The following NMRK1 variants were observed in gnomAD, a reference collection of about 807,000 sequenced individuals.
The protein encoded by NMRK1 is nicotinamide riboside kinase 1.
Under a neutral mutation model 29.9 loss-of-function variants are expected in NMRK1, and 28 were observed. The ratio of observed to expected loss-of-function variants is 0.94; its 90% CI spans 0.69 to 1.28. NMRK1 has a LOEUF of 1.28. NMRK1 is among the 50% of genes most tolerant of loss of function. NMRK1 has a pLI of 0.00. For missense variants in NMRK1, 218 were observed against 233.1 expected (o/e 0.94, Z 0.42); for synonymous variants, 58 against 73.0 (o/e 0.79, Z 1.05).
chr9:75,071,038 TA>T (rs1823668926), intron 4 of NMRK1, among the ~76,000 whole-genome samples: 2 of 152,142 alleles, frequency 1.3e-5, no homozygotes, highest in Non-Finnish European at 2.9e-5. Context: ...CTTGAAGTTT[TA>T]TGTCTTAAAC....
At chr9:75,063,849 G>C (rs544946899) in intron 8 of NMRK1, among the ~76,000 whole-genome samples, 1 of 152,262 alleles carries the variant, frequency 6.6e-6, no homozygotes, top group South Asian at 2.1e-4. Flanking sequence ...AAATAGGAAA[G>C]GTGATAGGTT....
intron 4 of NMRK1, 120 bp downstream of exon 4, chr9:75,077,039 G>T: frequency 1.5e-6 from 1 of 648,278 alleles, no homozygotes. Context: ...CAGATATAGT[G>T]AAGTTCTTTT....
chr9:75,077,941 C>G (rs562898094), intron 2 of NMRK1, among the ~76,000 whole-genome samples: 76 of 152,166 alleles, frequency 5.0e-4, no homozygotes, highest in African/African-American at 1.8e-3. Flanking sequence ...AAATTAAACA[C>G]TTTAAAATAA....
chr9:75,086,316 G>A (rs1824627756), intron 1 of NMRK1, among the ~76,000 whole-genome samples: 1 of 152,138 alleles, frequency 6.6e-6, no homozygotes. Context: ...ATCATGTGAT[G>A]TGTCCAAAGA....
At chr9:75,079,512 C>A (rs1282216007) in intron 2 of NMRK1, among the ~76,000 whole-genome samples, 1 of 152,200 alleles carries the variant, frequency 6.6e-6, no homozygotes, top group Non-Finnish European at 1.5e-5. Context: ...GATCCTTTCT[C>A]ACTGACTTAG....
rs1823380637 is a variant in NMRK1, at chr9:75,066,791, A to G, written c.546T>C (p.Tyr182=). ...KSEEDLFLQV[Y]EDLIQELAKQ... is the part of the protein sequence containing the mutation. ...TTGCTAGTTCTTGTATTAGATCTTC[A>G]TATACTTGCAAAAAGAGGTCCTCTT... is the stretch of plus-strand genomic sequence containing the variant. The change falls in exon 8 of 9, where the codon TAT becomes TAC. Residue 182 remains tyrosine (Y), a synonymous_variant. Coordinates refer to ENST00000361092, the MANE Select transcript of NMRK1 (RefSeq NM_017881.3). The G allele has an allele frequency of 6.2e-7, 1 of 1,609,290 alleles. No homozygotes were observed. The highest frequency in any genetic ancestry group is 1.3e-5 in the African/African-American group (1 of 74,970).
Position 75,069,202 on chromosome 9 carries a change from A to G in NMRK1, c.390-100T>C. ...AATGGGGAAATCACTCAGAGGCTGA[A>G]TCTAAACAGGATTAGGACTACATGT... On this transcript the variant is annotated intron_variant, in intron 6 of 8. Transcript: ENST00000361092. 5.0e-6 allele frequency: 4 copies of G among 807,432 alleles called. No homozygotes were observed. In the East Asian group the frequency reaches 7.5e-5, roughly 15 times the overall value. The allele number at this position is 807,432 out of a possible 1,614,324, so 50.0% of individuals were successfully genotyped here.
chr9:75,077,053 A>T (rs977528958), intron 4 of NMRK1, 106 bp downstream of exon 4: 2 of 684,078 alleles, frequency 2.9e-6, no homozygotes, highest in African/African-American at 1.8e-5. Context: ...TTCTTTTTTT[A>T]AATTTTTGTT....
At chr9:75,079,629 T>C (rs942958653) in intron 2 of NMRK1, among the ~76,000 whole-genome samples, 3 of 149,472 alleles carry the variant, frequency 2.0e-5, no homozygotes, top group Admixed American at 6.6e-5. Flanking sequence ...GAAAAAGTAT[T>C]TAAACAAGCC....
At position 75,066,663 on chromosome 9, in the gene NMRK1, C is replaced by T. The variant is rs114529001; in HGVS notation, c.580+94G>A. The T allele has an allele frequency of 3.6e-3, 2,865 of 797,094 alleles. 48 individuals are homozygous for T. In the African/African-American group the frequency reaches 0.042, roughly 12 times the overall value. The allele number at this position is 797,094 out of a possible 1,614,324, so 49.4% of individuals were successfully genotyped here. ...GAATGGATGAGCACAATCACTCCTA[C>T]ACTAGCATTCTGGTATTCCATTCTT... On this transcript the variant is annotated intron_variant, in intron 8 of 8. Transcript: ENST00000361092.
chr9:75,066,890 T>C, intron 7 of NMRK1, 50 bp from the exon 8 acceptor site: 2 of 1,010,942 alleles, frequency 2.0e-6, no homozygotes, highest in Non-Finnish European at 1.5e-6. Context: ...CTTATTAATA[T>C]ACAATGTTTA....
chr9:75,080,567 G>A (rs1824259501), intron 2 of NMRK1, among the ~76,000 whole-genome samples: 1 of 152,136 alleles, frequency 6.6e-6, no homozygotes, highest in South Asian at 2.1e-4. Flanking sequence ...CAGGAGAATC[G>A]CTTGAACCCA....
intron 2 of NMRK1, among the ~76,000 whole-genome samples, chr9:75,081,584 A>T (rs1026477418): frequency 6.6e-6 from 1 of 152,172 alleles, no homozygotes; most frequent in African/African-American, 2.4e-5. Context: ...AGAAGAGGGA[A>T]ATCTTATTTA....
rs1182339463 is a variant in NMRK1 at position 75,086,408 on chromosome 9, G to T, written c.-36+1600C>A. Among the ~76,000 whole-genome samples, 4 of 152,186 alleles carry T rather than the reference G, an allele frequency of 2.6e-5. No homozygotes were observed. The East Asian group carries it at 5.8e-4, about 22-fold the overall frequency. ...AATATCTGTGTAGTTTATTTTCCCAGTGCGTGCAAGGCTTTCCTCAACAGC... is the reference window on the plus strand; with the variant it reads ...AATATCTGTGTAGTTTATTTTCCCATTGCGTGCAAGGCTTTCCTCAACAGC... On this transcript the variant is annotated intron_variant, in intron 1 of 8. Transcript: ENST00000361092.
chr9:75,077,630 C>A (rs1266829020), intron 2 of NMRK1, 50 bp from the exon 3 acceptor site: 3 of 1,283,830 alleles, frequency 2.3e-6, no homozygotes, highest in South Asian at 2.5e-5. Context: ...CATTAAAAAT[C>A]ATTAAACACT....
At chr9:75,083,177 A>C in intron 1 of NMRK1, 27 bp from the exon 2 acceptor site, 2 of 1,152,468 alleles carry the variant, frequency 1.7e-6, no homozygotes, top group Non-Finnish European at 2.6e-6. Flanking sequence ...AAACAAACAA[A>C]TCAAATGCAT....
chr9:75,069,658 T>C (rs1316552655), intron 6 of NMRK1, 84 bp downstream of exon 6: 1 of 1,050,206 alleles, frequency 9.5e-7, no homozygotes, highest in African/African-American at 1.6e-5. Context: ...CGTATACGCA[T>C]TGCTCAATAA....
intron 4 of NMRK1, among the ~76,000 whole-genome samples, chr9:75,075,090 G>A (rs1350941982): frequency 2.0e-5 from 3 of 151,972 alleles, no homozygotes; most frequent in Non-Finnish European, 4.4e-5. Context: ...TGGTAAGTGG[G>A]AAAAAAAGTA....
chr9:75,062,492 A>ATT (rs200236312), intron 8 of NMRK1, among the ~76,000 whole-genome samples: 2 of 150,016 alleles, frequency 1.3e-5, no homozygotes, highest in Non-Finnish European at 3.0e-5. Flanking sequence ...CTCAGCCTTG[A>ATT]TTTTTTTTTT....
Sources: allele counts gnomAD v4.1 joint callset (sites outside exome capture counted in the v4.1 genomes callset), GRCh38; gene constraint gnomAD v4.1.1; transcripts MANE v1.5; gene names NCBI Gene and HGNC (gene_info 2026-07-23, HGNC 2026-07-21).